Variants in STK31 observed in about 807,000 individuals in gnomAD.
The protein encoded by STK31 is serine/threonine-protein kinase 31.
A neutral mutation model predicts 129.7 loss-of-function variants in STK31; 89 were observed. The ratio of observed to expected loss-of-function variants is 0.69; its 90% CI spans 0.58 to 0.82. STK31 has a LOEUF of 0.82. Ranked by LOEUF, STK31 falls within the 40% of genes least tolerant of loss-of-function variation. The probability of loss-of-function intolerance (pLI) is 0.00; values close to 1 mark genes in which losing one functional copy is unlikely to be tolerated. For missense variants in STK31, 1,187 were observed against 1,176.4 expected (o/e 1.01, Z -0.13); for synonymous variants, 448 against 395.3 (o/e 1.13, Z -1.58).
chr7:23,727,768 G>T (rs181517321), intron 5 of STK31, among the ~76,000 whole-genome samples: 1,955 of 151,614 alleles, frequency 0.013, 17 homozygotes, highest in Non-Finnish European at 0.019. Context: ...CACCATGTTT[G>T]TCAGGCTGGT....
At chr7:23,827,448 G>A (rs1408530898) in intron 23 of STK31, among the ~76,000 whole-genome samples, 1 of 152,046 alleles carries the variant, frequency 6.6e-6, no homozygotes, top group South Asian at 2.1e-4. Context: ...TCAGCTCCAT[G>A]AGGTCCTTTA....
Position 23,772,217 on chromosome 7 carries a change from C to T in STK31, c.1904C>T (p.Thr635Ile), listed in dbSNP as rs1790242964. The change falls in exon 15 of 24, where the codon ACA becomes ATA. Residue 635 changes from threonine to isoleucine, a missense_variant. Thr to Ile is a moderately conservative substitution (Grantham distance 89). Around this residue, in one of 5 missense-constraint regions of STK31, gnomAD observed 975 missense variants for 934.9 expected, o/e 1.04. Coordinates refer to ENST00000355870, the MANE Select transcript of STK31 (RefSeq NM_031414.5). Reference sequence around the variant, plus strand: ...GATCACTTGCTATCCATTAAGAAGACATTGAAAAGCTTAAAAGCTCTACTC... The same window carrying T: ...GATCACTTGCTATCCATTAAGAAGATATTGAAAAGCTTAAAAGCTCTACTC... ...SVDHLLSIKK[T>I]LKSLKALLRW... 1 of 1,607,346 alleles carries T rather than the reference C, an allele frequency of 6.2e-7. No individual in the cohort carries two copies. The highest frequency in any genetic ancestry group is 1.3e-5 in the African/African-American group (1 of 74,420).
At chr7:23,736,797 A>T (rs12539789) in intron 7 of STK31, 107 bp from the exon 8 acceptor site, 16 of 851,102 alleles carry the variant, frequency 1.9e-5, no homozygotes, top group Non-Finnish European at 2.6e-5. Context: ...TTTCAAAATT[A>T]ACTTTCAGAT....
intron 23 of STK31, among the ~76,000 whole-genome samples, chr7:23,826,815 C>T (rs577109557): frequency 2.0e-4 from 30 of 152,230 alleles, no homozygotes; most frequent in African/African-American, 6.7e-4. Context: ...TCAGCATTTG[C>T]TTGTCTGTAA....
intron 1 of STK31, chr7:23,710,808 G>C: frequency 9.9e-7 from 1 of 1,010,672 alleles, no homozygotes; most frequent in Non-Finnish European, 1.2e-6. Flanking sequence ...AACTACTCTA[G>C]AAGTAGCTTC....
intron 8 of STK31, among the ~76,000 whole-genome samples, chr7:23,739,101 G>A (rs975552802): frequency 3.9e-5 from 6 of 152,166 alleles, no homozygotes; most frequent in Non-Finnish European, 5.9e-5. Context: ...CAACAGTGTA[G>A]AAGTGTTCCT....
At position 23,717,525 on chromosome 7, in the gene STK31, G is replaced by A. The variant is rs1430381248; in HGVS notation, c.195G>A (p.Leu65=). Residue 65 remains leucine, a synonymous_variant, in exon 4 of 24, where the codon CTG becomes CTA. Coordinates refer to ENST00000355870, the MANE Select transcript of STK31 (RefSeq NM_031414.5). The part of the protein sequence containing the change: ...NKDIMKIGCS[L]SEVCPQASSV... ...ATATCATGAAGATTGGTTGCTCACT[G>A]TCTGAAGTTTGCCCCCAGGCCAGTT... 2 of 1,613,216 alleles carry A rather than the reference G, an allele frequency of 1.2e-6. No individual in the cohort carries two copies. The highest frequency in any genetic ancestry group is 2.2e-5 in the East Asian group (1 of 44,802).
chr7:23,798,928 CACAA>C (rs1461579752), intron 22 of STK31, among the ~76,000 whole-genome samples: 1 of 152,144 alleles, frequency 6.6e-6, no homozygotes. Flanking sequence ...GTGCAAAACT[CACAA>C]ACATTCTTAT....
intron 10 of STK31, among the ~76,000 whole-genome samples, chr7:23,755,607 T>G (rs1054128740): frequency 1.3e-5 from 2 of 152,224 alleles, no homozygotes; most frequent in Admixed American, 6.5e-5. Flanking sequence ...TGCCTGGGTT[T>G]TCTTCTAGGG....
chr7:23,729,416 G>A (rs1179925472), intron 6 of STK31, among the ~76,000 whole-genome samples, 167 bp downstream of exon 6: 1 of 151,908 alleles, frequency 6.6e-6, no homozygotes, highest in South Asian at 2.1e-4. Flanking sequence ...ATCTTTGCTA[G>A]GTAAACATTG....
At chr7:23,775,774 A>G (rs1790500730) in intron 15 of STK31, among the ~76,000 whole-genome samples, 1 of 152,194 alleles carries the variant, frequency 6.6e-6, no homozygotes, top group Admixed American at 6.5e-5. Flanking sequence ...GTCATCTGCA[A>G]ACAGAGACAA....
At chr7:23,795,178 G>T (rs1456240370) in intron 22 of STK31, among the ~76,000 whole-genome samples, 2 of 152,192 alleles carry the variant, frequency 1.3e-5, no homozygotes, top group Admixed American at 6.5e-5. Context: ...GGTTTCATGG[G>T]CTGGGCCCAC....
intron 3 of STK31, among the ~76,000 whole-genome samples, chr7:23,717,253 G>C (rs182935003): frequency 6.6e-6 from 1 of 151,076 alleles, no homozygotes. Flanking sequence ...TTGGTATCTT[G>C]TTTGAATTCT....
At chr7:23,826,139 T>G (rs1195746522) in intron 23 of STK31, among the ~76,000 whole-genome samples, 3 of 152,170 alleles carry the variant, frequency 2.0e-5, no homozygotes, top group Non-Finnish European at 4.4e-5. Flanking sequence ...CTGAGTTCAA[T>G]TCCTGGATAT....
In STK31 at chr7:23,771,135, G is replaced by T; in HGVS notation, c.1833+11G>T. 2 of 1,549,234 alleles carry T rather than the reference G, an allele frequency of 1.3e-6. No individual in the cohort carries two copies. Among genetic ancestry groups the T allele is most frequent in the African/African-American group, 1.4e-5 (1 of 71,034 alleles). On this transcript the variant is annotated intron_variant, in intron 14 of 23. Coordinates refer to ENST00000355870, the MANE Select transcript of STK31 (RefSeq NM_031414.5). ...AAGGACAGTATTGAGGTTTGATTGT[G>T]CTTTCTCTTATTGATCTTATAAATT...
chr7:23,793,813 A>C (rs1290401779), intron 22 of STK31, among the ~76,000 whole-genome samples: 1 of 152,214 alleles, frequency 6.6e-6, no homozygotes, highest in Non-Finnish European at 1.5e-5. Flanking sequence ...ACTTTGAAAA[A>C]CATTTGGCAG....
At position 23,735,622 on chromosome 7, in the gene STK31, G is replaced by T; in HGVS notation, c.568G>T (p.Ala190Ser). 6.2e-7 allele frequency: 1 copy of T among 1,614,096 alleles called. No individual in the cohort carries two copies. The change falls in exon 7 of 24, where the codon GCT (alanine) becomes TCT (serine). Residue 190 changes from alanine to serine, a missense_variant. By Grantham distance (99) the Ala-to-Ser change is moderately conservative. This residue lies in a region of STK31 where 103 missense variants were observed against 110.4 expected (regional missense o/e 0.93). Transcript: ENST00000355870. ...KATSEDGTVIAQAEYGSVDIG... is the reference protein window; with the variant it reads ...KATSEDGTVISQAEYGSVDIG... The stretch of plus-strand genomic sequence containing the variant: ...AACCTCTGAAGATGGAACAGTTATT[G>T]CTCAGGCTGAGTATGGCAGTGTGGA...
chr7:23,788,360 C>T (rs773980292), intron 21 of STK31, among the ~76,000 whole-genome samples: 7 of 152,080 alleles, frequency 4.6e-5, no homozygotes, highest in Non-Finnish European at 1.0e-4. Context: ...TACTCAATGG[C>T]ATTGACAACA....
rs1584403477 is a variant in STK31, at chr7:23,762,883, T to C, written c.1376T>C (p.Val459Ala). 1 of 1,608,064 alleles carries C rather than the reference T, an allele frequency of 6.2e-7. No homozygotes were observed. The highest frequency in any genetic ancestry group is 8.5e-7 in the Non-Finnish European group (1 of 1,177,626). ...YMSVEDFILEVDESSLNKRLK... is the reference protein window; with the variant it reads ...YMSVEDFILEADESSLNKRLK... ...TCAGTAGAAGATTTTATTCTGGAAGTTGATGAGTCATCTCTTAATAAACGC... is the reference window on the plus strand; with the variant it reads ...TCAGTAGAAGATTTTATTCTGGAAGCTGATGAGTCATCTCTTAATAAACGC... Residue 459 changes from valine to alanine, a missense_variant, in exon 11 of 24, where the codon GTT (valine) becomes GCT (alanine). This residue lies in a region of STK31 where 975 missense variants were observed against 934.9 expected (regional missense o/e 1.04). Coordinates refer to ENST00000355870, the MANE Select transcript of STK31 (RefSeq NM_031414.5).
Sources: gnomAD v4.1 joint callset for allele counts (sites outside exome capture counted in the v4.1 genomes callset) on GRCh38, gnomAD v4.1.1 for gene constraint, gnomAD v4.1.1 regional missense constraint, MANE v1.5 for transcripts, NCBI Gene and HGNC (gene_info 2026-07-23, HGNC 2026-07-21) for gene names.